The following FAM20A variants were observed in gnomAD, a reference collection of about 807,000 sequenced individuals.
FAM20A encodes FAM20A golgi associated secretory pathway pseudokinase, also known as pseudokinase FAM20A.
In FAM20A, 42 loss-of-function variants were observed where a neutral mutation model predicts 52.0. The ratio of observed to expected loss-of-function variants is 0.81; its 90% CI spans 0.63 to 1.04. FAM20A has a LOEUF of 1.04. Among genes scored for constraint, FAM20A ranks in the 50% least tolerant of loss-of-function variants. FAM20A has a pLI of 0.00. For synonymous variants in FAM20A, 304 were observed against 298.9 expected, an observed-to-expected ratio of 1.02 and a Z score of -0.18; for missense variants, 742 against 712.7, an observed-to-expected ratio of 1.04 and a Z score of -0.47.
At position 68,540,667 on chromosome 17, in the gene FAM20A, T is replaced by TGA. The variant is rs943369099; in HGVS notation, c.1219+181_1219+182insTC. ...GACCCCTTGAGCTTCTTCCAGTTCT[T>TGA]TGAAGAGAGGGGAGCCTGTTACCTT... On this transcript the variant is annotated intron_variant, in intron 8 of 10. Transcript: ENST00000592554. 102 of 773,096 alleles carry TGA rather than the reference T, an allele frequency of 1.3e-4. No individual in the cohort carries two copies. The African/African-American group carries it at 1.7e-3, about 13-fold the overall frequency. 47.9% of individuals were successfully genotyped at this position (773,096 alleles called of 1,614,324 possible).
At position 68,551,892 on chromosome 17, in the gene FAM20A, C is replaced by T; in HGVS notation, c.700G>A (p.Ala234Thr). ...LVLRFSDFGK[A>T]MFKPMRQQRD... ...ACTTACCTCATGGGTTTGAACATGGCCTTCCCGAAATCCGAGAACCTCAGC... is the reference window on the plus strand; with the variant it reads ...ACTTACCTCATGGGTTTGAACATGGTCTTCCCGAAATCCGAGAACCTCAGC... Residue 234 changes from alanine (A) to threonine (T), a missense_variant, in exon 4 of 11, where the codon GCC becomes ACC. Transcript: ENST00000592554. 2 of 1,586,668 alleles carry T rather than the reference C, an allele frequency of 1.3e-6. No individual in the cohort carries two copies. The highest frequency in any genetic ancestry group is 1.7e-6 in the Non-Finnish European group (2 of 1,164,556).
In FAM20A at chr17:68,545,140, A is replaced by C. The variant is rs561145399; in HGVS notation, c.720-1419T>G. ...TACAAAGCGCATAATTTTTCAAGAG[A>C]TACATTTTAAAATGATAGTATTTTA... On this transcript the variant is annotated intron_variant, in intron 4 of 10. Coordinates refer to ENST00000592554, the MANE Select transcript of FAM20A (RefSeq NM_017565.4). Among the ~76,000 whole-genome samples, 280 of 152,354 alleles carry C rather than the reference A, an allele frequency of 1.8e-3. 1 individual carries two copies. Among genetic ancestry groups the C allele is most frequent in the African/African-American group, 6.4e-3 (268 of 41,594 alleles).
At chr17:68,599,973 C>T (rs2088564850) in intron 1 of FAM20A, among the ~76,000 whole-genome samples, 1 of 152,174 alleles carries the variant, frequency 6.6e-6, no homozygotes, top group South Asian at 2.1e-4. Flanking sequence ...AGGAGTGGGG[C>T]TCAACGACGA....
intron 1 of FAM20A, among the ~76,000 whole-genome samples, chr17:68,557,948 A>T (rs143096661): frequency 6.6e-6 from 1 of 152,308 alleles, no homozygotes; most frequent in African/African-American, 2.4e-5. Flanking sequence ...TCACTCCATG[A>T]TTATGCTGCG....
intron 1 of FAM20A, among the ~76,000 whole-genome samples, chr17:68,582,966 AT>A (rs71144607): frequency 0.69 from 98,744 of 142,534 alleles, 34,129 homozygotes; most frequent in East Asian, 0.91. Flanking sequence ...GGCCCAGCTG[AT>A]TTTTTTTTTT....
At position 68,600,174 on chromosome 17, in the gene FAM20A, G is replaced by A. The variant is rs763140933; in HGVS notation, c.404+89C>T. The A allele has an allele frequency of 3.4e-6, 5 of 1,452,914 alleles. No homozygotes were observed. Among genetic ancestry groups the A allele is most frequent in the Non-Finnish European group, 4.6e-6 (5 of 1,082,526 alleles). 90.0% of individuals were successfully genotyped at this position (1,452,914 alleles called of 1,614,324 possible). ...CGTGGGTGGAGCCGCTGCAGCCCTG[G>A]GCCGGGGGCGTCAGGAAACTCGAGA... On this transcript the variant is annotated intron_variant, in intron 1 of 10. Coordinates refer to ENST00000592554, the MANE Select transcript of FAM20A (RefSeq NM_017565.4). The surrounding 1 kb of genome is among the most constrained non-coding windows in gnomAD (Gnocchi z 6.2).
Position 68,561,635 on chromosome 17 carries a change from C to T in FAM20A, c.405-5892G>A, listed in dbSNP as rs1044466700. On this transcript the variant is annotated intron_variant, in intron 1 of 10. Coordinates refer to ENST00000592554, the MANE Select transcript of FAM20A (RefSeq NM_017565.4). ...TAAAGAGTTTTCCTATATAGTCCAA[C>T]TTGTATACTTATCCACATGAATTTT... Among the ~76,000 whole-genome samples the T allele has an allele frequency of 4.2e-5, 6 of 143,526 alleles. No homozygotes were observed. The East Asian group carries it at 1.0e-3, about 24-fold the overall frequency. The allele number at this position is 143,526 out of a possible 152,430, so 94.2% of individuals were successfully genotyped here.
At chr17:68,553,795 T>C (rs1387474161) in intron 3 of FAM20A, among the ~76,000 whole-genome samples, 1 of 103,698 alleles carries the variant, frequency 9.6e-6, no homozygotes, top group African/African-American at 3.5e-5. Flanking sequence ...TGTATACACA[T>C]ACATATATAC....
rs1023443037 is a variant in FAM20A, at chr17:68,600,184, G to T, written c.404+79C>A. 2.0e-6 allele frequency: 3 copies of T among 1,485,738 alleles called. No individual in the cohort carries two copies. In the African/African-American group the frequency reaches 4.2e-5, roughly 21 times the overall value. 92.0% of individuals were successfully genotyped at this position (1,485,738 alleles called of 1,614,324 possible). ...GCCGCTGCAGCCCTGGGCCGGGGGCGTCAGGAAACTCGAGACTGGGGCGCG... is the reference window on the plus strand; with the variant it reads ...GCCGCTGCAGCCCTGGGCCGGGGGCTTCAGGAAACTCGAGACTGGGGCGCG... On this transcript the variant is annotated intron_variant, in intron 1 of 10. Coordinates refer to ENST00000592554, the MANE Select transcript of FAM20A (RefSeq NM_017565.4). The surrounding 1 kb of genome is among the most constrained non-coding windows in gnomAD (Gnocchi z 6.2).
At chr17:68,545,635 T>C (rs2086518469) in intron 4 of FAM20A, among the ~76,000 whole-genome samples, 1 of 152,200 alleles carries the variant, frequency 6.6e-6, no homozygotes, top group Non-Finnish European at 1.5e-5. Flanking sequence ...AATAATGAAG[T>C]TTGCTGCATC....
intron 1 of FAM20A, among the ~76,000 whole-genome samples, chr17:68,587,486 T>C (rs2088193992): frequency 6.6e-6 from 1 of 152,220 alleles, no homozygotes; most frequent in African/African-American, 2.4e-5. Flanking sequence ...AGGGCATTTT[T>C]ATCCATTTCA....
intron 1 of FAM20A, among the ~76,000 whole-genome samples, chr17:68,573,984 A>G (rs1453023520): frequency 6.6e-6 from 1 of 151,178 alleles, no homozygotes; most frequent in East Asian, 2.0e-4. Flanking sequence ...GACCACATTT[A>G]TTTCTTACAG....
intron 4 of FAM20A, chr17:68,551,113 C>T: frequency 8.1e-7 from 1 of 1,234,288 alleles, no homozygotes; most frequent in Non-Finnish European, 1.0e-6. Flanking sequence ...GAGGAGCATT[C>T]CCCTGGGCTA....
chr17:68,588,335 T>C (rs912229109), intron 1 of FAM20A, among the ~76,000 whole-genome samples: 1 of 152,094 alleles, frequency 6.6e-6, no homozygotes. Context: ...AAGAACCATA[T>C]GGGAGGAAAA....
intron 1 of FAM20A, among the ~76,000 whole-genome samples, chr17:68,583,291 A>C (rs1195058124): frequency 6.6e-6 from 1 of 152,126 alleles, no homozygotes; most frequent in East Asian, 1.9e-4. Flanking sequence ...AATAACAAAA[A>C]ATTCCTTCTC....
intron 8 of FAM20A, chr17:68,540,622 A>T: frequency 3.1e-6 from 2 of 637,470 alleles, no homozygotes; most frequent in Non-Finnish European, 5.8e-6. Flanking sequence ...GCAGGGTGAG[A>T]TGCCTGCCTT....
chr17:68,561,855 C>T (rs8073571), intron 1 of FAM20A, among the ~76,000 whole-genome samples: 50,806 of 151,912 alleles, frequency 0.33, 9,231 homozygotes, highest in East Asian at 0.5. Context: ...CAGAGTCTCC[C>T]TCTGTCACCC....
chr17:68,558,721 T>G (rs2087125509), intron 1 of FAM20A, among the ~76,000 whole-genome samples: 1 of 152,154 alleles, frequency 6.6e-6, no homozygotes, highest in Non-Finnish European at 1.5e-5. Flanking sequence ...ATTTCTTTTT[T>G]CCTTCCCTTC....
intron 4 of FAM20A, among the ~76,000 whole-genome samples, chr17:68,546,358 A>G (rs942629374): frequency 1.3e-5 from 2 of 151,892 alleles, no homozygotes; most frequent in Admixed American, 1.3e-4. Flanking sequence ...ATTGAGATCA[A>G]TCTTCTTTTA....
Sources: gnomAD v4.1 joint callset for allele counts (sites outside exome capture counted in the v4.1 genomes callset) on GRCh38, gnomAD v4.1.1 for gene constraint, Gnocchi (gnomAD v3.1) non-coding constraint, MANE v1.5 for transcripts, NCBI Gene and HGNC (gene_info 2026-07-23, HGNC 2026-07-21) for gene names.